DIP2C: variants seen among roughly 807,000 people sequenced by gnomAD.
DIP2C encodes disco-interacting protein 2 homolog C.
DIP2C carries 33 observed loss-of-function variants against 192.4 expected under a neutral mutation model. The observed-to-expected ratio is 0.17, with a 90% CI of 0.13 to 0.23. DIP2C has a LOEUF of 0.23. Ranked by LOEUF, DIP2C falls within the 10% of genes least tolerant of loss-of-function variation. DIP2C has a pLI of 1.00. For synonymous variants in DIP2C, 979 were observed against 864.1 expected, an observed-to-expected ratio of 1.13 and a Z score of -2.33; for missense variants, 1,537 against 2,110.1, an observed-to-expected ratio of 0.73 and a Z score of 5.32.
intron 1 of DIP2C, among the ~76,000 whole-genome samples, chr10:508,673 C>G (rs571112854): frequency 6.6e-6 from 1 of 152,122 alleles, no homozygotes; most frequent in Non-Finnish European, 1.5e-5. Flanking sequence ...AAAGCTGGCC[C>G]CACGTATTTT....
rs191113743 is a variant in DIP2C, at chr10:534,188, G to T, written c.86-47658C>A. 1.4e-3 allele frequency among the ~76,000 whole-genome samples: 211 copies of T among 152,276 alleles called. 1 individual carries two copies. Among genetic ancestry groups the T allele is most frequent in the African/African-American group, 4.6e-3 (191 of 41,560 alleles). On this transcript the variant is annotated intron_variant, in intron 1 of 36. Transcript: ENST00000280886. ...GTAACAGCAACCCTAGCTTCACAGG[G>T]CTCAGGCCTCCAAACACAACTCCCA...
chr10:623,374 G>A, intron 1 of DIP2C, among the ~76,000 whole-genome samples: 1 of 151,636 alleles, frequency 6.6e-6, no homozygotes. Context: ...ACGGGAATGG[G>A]CACAGGCGTC....
intron 32 of DIP2C, among the ~76,000 whole-genome samples, chr10:309,147 G>C (rs1476775233): frequency 6.6e-6 from 1 of 152,226 alleles, no homozygotes; most frequent in African/African-American, 2.4e-5. Flanking sequence ...AACGGGGGAA[G>C]TCTGCAGTAA....
At chr10:603,724 C>T (rs1852262007) in intron 1 of DIP2C, among the ~76,000 whole-genome samples, 2 of 152,290 alleles carry the variant, frequency 1.3e-5, no homozygotes, top group East Asian at 3.9e-4. Context: ...AGATACAATG[C>T]ATTAACTTCC....
At chr10:548,615 G>C (rs1357714759) in intron 1 of DIP2C, among the ~76,000 whole-genome samples, 1 of 150,036 alleles carries the variant, frequency 6.7e-6, no homozygotes, top group African/African-American at 2.5e-5. Context: ...GGTTATGGGG[G>C]TGACATGGTG....
intron 1 of DIP2C, among the ~76,000 whole-genome samples, chr10:607,825 A>G (rs749713477): frequency 6.6e-6 from 1 of 152,010 alleles, no homozygotes; most frequent in Non-Finnish European, 1.5e-5. Context: ...GTTAAACTAA[A>G]ATTAGTTTAA....
chr10:309,478 C>T (rs1028898700), intron 32 of DIP2C, among the ~76,000 whole-genome samples: 2 of 152,042 alleles, frequency 1.3e-5, no homozygotes, highest in Non-Finnish European at 2.9e-5. Flanking sequence ...GAGTGCCTGC[C>T]TTCCAGTGAG....
chr10:562,653 A>G (rs1243289908), intron 1 of DIP2C, among the ~76,000 whole-genome samples: 1 of 152,270 alleles, frequency 6.6e-6, no homozygotes, highest in African/African-American at 2.4e-5. Context: ...TTCCATTGCT[A>G]AACATTTATA....
chr10:403,669 A>C (rs1390788288), intron 9 of DIP2C, among the ~76,000 whole-genome samples: 1 of 146,606 alleles, frequency 6.8e-6, no homozygotes, highest in Non-Finnish European at 1.5e-5. Context: ...GTTCATCAGC[A>C]CATGAATCCT....
At chr10:659,282 C>T (rs1015511061) in intron 1 of DIP2C, among the ~76,000 whole-genome samples, 5 of 152,356 alleles carry the variant, frequency 3.3e-5, no homozygotes, top group Admixed American at 2.6e-4. Flanking sequence ...AACACAAATA[C>T]ACATGCACAC....
intron 4 of DIP2C, among the ~76,000 whole-genome samples, chr10:428,473 C>T (rs185600940): frequency 6.6e-6 from 1 of 152,260 alleles, no homozygotes; most frequent in East Asian, 1.9e-4. Context: ...AATGTCTTTC[C>T]ATGGTCTTCT....
At chr10:339,965 G>A (rs1310854460) in intron 29 of DIP2C, among the ~76,000 whole-genome samples, 1 of 152,178 alleles carries the variant, frequency 6.6e-6, no homozygotes, top group African/African-American at 2.4e-5. Flanking sequence ...CAGATCACTT[G>A]AGGTCAGGAG....
intron 1 of DIP2C, among the ~76,000 whole-genome samples, chr10:532,098 C>T (rs76226875): frequency 3.3e-5 from 5 of 152,276 alleles, no homozygotes; most frequent in East Asian, 3.9e-4. Flanking sequence ...AGTGCTCCCT[C>T]CTAAACCAGA....
At chr10:471,273 C>A (rs1970604961) in intron 3 of DIP2C, among the ~76,000 whole-genome samples, 2 of 152,130 alleles carry the variant, frequency 1.3e-5, no homozygotes, top group Admixed American at 6.5e-5. Context: ...GCCATAAAAT[C>A]TCCTCTCCAG....
At chr10:603,719 C>G (rs1180673261) in intron 1 of DIP2C, among the ~76,000 whole-genome samples, 1 of 152,208 alleles carries the variant, frequency 6.6e-6, no homozygotes, top group African/African-American at 2.4e-5. Context: ...TGAATAGATA[C>G]AATGCATTAA....
At chr10:684,720 C>G (rs559908824) in intron 1 of DIP2C, among the ~76,000 whole-genome samples, 8 of 152,158 alleles carry the variant, frequency 5.3e-5, no homozygotes, top group African/African-American at 1.4e-4. Context: ...AAAGCCACCC[C>G]CAAAACCTAC....
chr10:313,338 A>C (rs183184721), intron 31 of DIP2C, among the ~76,000 whole-genome samples: 8 of 152,352 alleles, frequency 5.3e-5, no homozygotes, highest in Admixed American at 5.2e-4. Flanking sequence ...GCATTTTTGA[A>C]ATTCCAAGTT....
intron 1 of DIP2C, among the ~76,000 whole-genome samples, chr10:587,117 G>A (rs371714217): frequency 6.0e-5 from 9 of 150,466 alleles, no homozygotes; most frequent in East Asian, 2.0e-4. Flanking sequence ...ATAGCGTGGC[G>A]AGGGGCAAAC....
intron 4 of DIP2C, 74 bp from the exon 5 acceptor site, chr10:423,107 C>A: frequency 7.3e-7 from 1 of 1,377,678 alleles, no homozygotes; most frequent in South Asian, 1.4e-5. Flanking sequence ...CCTCGCCAAA[C>A]ACAGATTTAC....
Sources: allele counts gnomAD v4.1 joint callset (sites outside exome capture counted in the v4.1 genomes callset), GRCh38; gene constraint gnomAD v4.1.1; transcripts MANE v1.5; gene names NCBI Gene and HGNC (gene_info 2026-07-23, HGNC 2026-07-21).